Variants in ADAM32 observed in about 807,000 individuals in gnomAD.
ADAM32 encodes the protein ADAM metallopeptidase domain 32, also known as disintegrin and metalloproteinase domain-containing protein 32.
In ADAM32, 89 loss-of-function variants were observed where a neutral mutation model predicts 114.9. The ratio of observed to expected loss-of-function variants is 0.77; its 90% CI spans 0.65 to 0.92. ADAM32 has a LOEUF of 0.92. ADAM32 is among the 40% of genes least tolerant of loss of function. The pLI is 0.00. For synonymous variants in ADAM32, 285 were observed against 307.5 expected (o/e 0.93, Z 0.77); for missense variants, 870 against 932.8 (o/e 0.93, Z 0.88).
At chr8:39,269,349 T>G (rs777694457) in intron 19 of ADAM32, among the ~76,000 whole-genome samples, 3 of 152,222 alleles carry the variant, frequency 2.0e-5, no homozygotes, top group Non-Finnish European at 2.9e-5. Flanking sequence ...AGCCAATGTG[T>G]GAAATCAATT....
intron 14 of ADAM32, 37 bp from the exon 15 acceptor site, chr8:39,231,990 A>C: frequency 6.7e-7 from 1 of 1,502,226 alleles, no homozygotes; most frequent in South Asian, 1.2e-5. Flanking sequence ...AAAAACCAAT[A>C]AACATTTTAA....
At chr8:39,136,972 C>G (rs1802844017) in intron 3 of ADAM32, among the ~76,000 whole-genome samples, 1 of 152,038 alleles carries the variant, frequency 6.6e-6, no homozygotes, top group East Asian at 1.9e-4. Context: ...TTGGCAGGAC[C>G]AGCAGGACCT....
At position 39,164,818 on chromosome 8, in the gene ADAM32, G is replaced by T. The variant is rs1412807773; in HGVS notation, c.649G>T (p.Val217Phe). ...MIVTNKVIEI[V>F]GLANSMFTQF... ...AGTAACAAATAAAGTCATCGAAATT[G>T]TTGGCCTTGCAAATTCAGTAAGTGT... Residue 217 changes from valine to phenylalanine, a missense_variant, in exon 8 of 25, where the codon GTT (valine) becomes TTT (phenylalanine). By Grantham distance (50) the Val-to-Phe change is conservative (BLOSUM62 -1). Coordinates refer to ENST00000379907, the MANE Select transcript of ADAM32 (RefSeq NM_145004.7). 1 of 1,607,508 alleles carries T rather than the reference G, an allele frequency of 6.2e-7. No individual in the cohort carries two copies. Among genetic ancestry groups the T allele is most frequent in the African/African-American group, 1.3e-5 (1 of 74,796 alleles).
intron 2 of ADAM32, 60 bp downstream of exon 2, chr8:39,118,225 AG>A: frequency 9.6e-7 from 1 of 1,037,664 alleles, no homozygotes; most frequent in Non-Finnish European, 1.3e-6. Context: ...TTTATTATAT[AG>A]CTATGAAATA....
At chr8:39,276,537 T>C (rs1813082114) in intron 22 of ADAM32, among the ~76,000 whole-genome samples, 1 of 152,166 alleles carries the variant, frequency 6.6e-6, no homozygotes, top group Non-Finnish European at 1.5e-5. Context: ...AGGGGGCTAG[T>C]GTTATTCTTT....
rs544357948 is a variant in ADAM32 at position 39,185,199 on chromosome 8, A to G, written c.916-1710A>G. ...AGAATCACTTGAACCCAGGAGGTGG[A>G]GGTTGCAGTGAGCCAAGATCATGCC... is the stretch of plus-strand genomic sequence containing the variant. On this transcript the variant is annotated intron_variant, in intron 10 of 24. Transcript: ENST00000379907. Among the ~76,000 whole-genome samples, 4 of 151,490 alleles carry G rather than the reference A, an allele frequency of 2.6e-5. No homozygotes were observed. The South Asian group carries it at 8.4e-4, about 32-fold the overall frequency.
chr8:39,223,460 G>A (rs934002757), intron 14 of ADAM32: 28 of 248,322 alleles, frequency 1.1e-4, no homozygotes, highest in East Asian at 4.6e-4. Context: ...AAACATATAC[G>A]CGCTAATTCT....
intron 11 of ADAM32, among the ~76,000 whole-genome samples, chr8:39,188,562 A>C (rs988113274): frequency 2.6e-5 from 4 of 152,162 alleles, no homozygotes; most frequent in Admixed American, 6.5e-5. Context: ...TGTACTTACT[A>C]TGTTCTAGAG....
chr8:39,112,228 G>A (rs1261614891), intron 1 of ADAM32, among the ~76,000 whole-genome samples: 2 of 151,992 alleles, frequency 1.3e-5, no homozygotes, highest in Non-Finnish European at 2.9e-5. Context: ...GACATATACG[G>A]TCCTTTTGAA....
chr8:39,213,956 C>T (rs1808390997), intron 12 of ADAM32, among the ~76,000 whole-genome samples: 1 of 152,090 alleles, frequency 6.6e-6, no homozygotes, highest in South Asian at 2.1e-4. Flanking sequence ...CTTTCTCTGC[C>T]TGGCTTATTT....
chr8:39,234,172 T>C, intron 16 of ADAM32, 90 bp downstream of exon 16: 1 of 952,542 alleles, frequency 1.0e-6, no homozygotes, highest in East Asian at 3.2e-5. Context: ...TTAGTGCTAG[T>C]ATTAGGTAAT....
Position 39,254,568 on chromosome 8 carries a change from A to G in ADAM32, c.2005+52A>G, listed in dbSNP as rs77119539. The stretch of plus-strand genomic sequence containing the variant: ...ATTTAATAAAATTCTCAAATTGCTT[A>G]TCTTCACTAAAACAAAGTTCGATTT... On this transcript the variant is annotated intron_variant, in intron 18 of 24. Coordinates refer to ENST00000379907, the MANE Select transcript of ADAM32 (RefSeq NM_145004.7). The G allele has an allele frequency of 1.6e-3, 2,216 of 1,373,232 alleles. 35 individuals carry two copies. The African/African-American group carries it at 0.029, about 18-fold the overall frequency. The allele number at this position is 1,373,232 out of a possible 1,614,324, so 85.1% of individuals were successfully genotyped here.
intron 1 of ADAM32, among the ~76,000 whole-genome samples, chr8:39,110,718 C>T (rs1455614634): frequency 6.6e-6 from 1 of 152,214 alleles, no homozygotes; most frequent in Non-Finnish European, 1.5e-5. Flanking sequence ...TGCATAACTA[C>T]AAGTGCAAGA....
chr8:39,143,540 C>T (rs1389936880), intron 3 of ADAM32, among the ~76,000 whole-genome samples: 1 of 152,150 alleles, frequency 6.6e-6, no homozygotes, highest in Non-Finnish European at 1.5e-5. Flanking sequence ...CCAGTGGAGG[C>T]TGCAGAACAG....
At chr8:39,166,840 G>A (rs373102187) in intron 9 of ADAM32, 5 of 152,072 alleles carry the variant, frequency 3.3e-5, no homozygotes, top group African/African-American at 1.2e-4. Flanking sequence ...ATCTTCTTTT[G>A]AGAATTGTCT....
intron 24 of ADAM32, 98 bp from the exon 25 acceptor site, chr8:39,284,695 C>G (rs1813667254): frequency 7.5e-7 from 1 of 1,334,938 alleles, no homozygotes; most frequent in Non-Finnish European, 1.1e-6. Flanking sequence ...TTTCGTGCCA[C>G]ATGAATTTTC....
rs766855832 is a variant in ADAM32 at position 39,231,918 on chromosome 8, G to A, written c.1526-109G>A. The A allele has an allele frequency of 6.7e-6, 6 of 897,608 alleles. No individual in the cohort carries two copies. The South Asian group carries it at 9.3e-5, about 14-fold the overall frequency. 55.6% of individuals were successfully genotyped at this position (897,608 alleles called of 1,614,324 possible). The stretch of plus-strand genomic sequence containing the variant: ...TCCTTACAACCTCACTAGGAAAAAT[G>A]TTTCAATTAGATATTAATGGAGAGA... On this transcript the variant is annotated intron_variant, in intron 14 of 24. Coordinates refer to ENST00000379907, the MANE Select transcript of ADAM32 (RefSeq NM_145004.7).
At chr8:39,162,477 G>C (rs546701696) in intron 7 of ADAM32, among the ~76,000 whole-genome samples, 2 of 152,026 alleles carry the variant, frequency 1.3e-5, no homozygotes, top group African/African-American at 2.4e-5. Context: ...ACATACGTGT[G>C]CATGTGTCTT....
intron 10 of ADAM32, among the ~76,000 whole-genome samples, chr8:39,173,145 C>A (rs997284521): frequency 1.3e-5 from 2 of 152,196 alleles, no homozygotes; most frequent in Non-Finnish European, 2.9e-5. Context: ...GTAATCCCAG[C>A]TACTCAGGAG....
Sources: allele counts gnomAD v4.1 joint callset (sites outside exome capture counted in the v4.1 genomes callset), GRCh38; gene constraint gnomAD v4.1.1; transcripts MANE v1.5; gene names NCBI Gene and HGNC (gene_info 2026-07-23, HGNC 2026-07-21).